Variants in FUT8 observed in about 807,000 individuals in gnomAD.
FUT8 encodes the protein alpha-(1,6)-fucosyltransferase.
FUT8 carries 29 observed loss-of-function variants against 71.3 expected under a neutral mutation model. The observed-to-expected ratio is 0.41, with a 90% CI of 0.30 to 0.55. FUT8 has a LOEUF of 0.55. Among genes scored for constraint, FUT8 ranks in the 20% least tolerant of loss-of-function variants. The pLI, the probability that FUT8 is intolerant of heterozygous loss-of-function variation, is 0.34. For missense variants in FUT8, 544 were observed against 702.1 expected (o/e 0.77, Z 2.55); for synonymous variants, 254 against 239.3 (o/e 1.06, Z -0.57).
chr14:65,591,158 T>A (rs1887664682), intron 3 of FUT8, among the ~76,000 whole-genome samples: 1 of 152,122 alleles, frequency 6.6e-6, no homozygotes, highest in Non-Finnish European at 1.5e-5. Flanking sequence ...GTGAATACAT[T>A]TAAGTTATTT....
intron 3 of FUT8, among the ~76,000 whole-genome samples, chr14:65,566,216 G>A (rs7146742): frequency 0.47 from 70,672 of 151,710 alleles, 17,820 homozygotes; most frequent in Non-Finnish European, 0.57. Flanking sequence ...TTCTTACATG[G>A]TAGTGTTCCA....
At chr14:65,554,431 T>TA (rs1412624461) in intron 2 of FUT8, among the ~76,000 whole-genome samples, 1 of 92,372 alleles carries the variant, frequency 1.1e-5, no homozygotes, top group African/African-American at 3.9e-5. Flanking sequence ...TCTATATATA[T>TA]ATTATATATA....
At chr14:65,480,937 G>T (rs1566775174) in intron 2 of FUT8, among the ~76,000 whole-genome samples, 1 of 151,572 alleles carries the variant, frequency 6.6e-6, no homozygotes. Context: ...TGATCTGCCT[G>T]CCTTGGCCTC....
intron 1 of FUT8, among the ~76,000 whole-genome samples, chr14:65,428,373 C>T (rs998973295): frequency 6.6e-6 from 1 of 152,080 alleles, no homozygotes; most frequent in African/African-American, 2.4e-5. Flanking sequence ...ACGTCATGAG[C>T]GCAGAGCTCT....
intron 1 of FUT8, among the ~76,000 whole-genome samples, chr14:65,432,686 A>G (rs1322934217): frequency 6.6e-6 from 1 of 152,130 alleles, no homozygotes; most frequent in African/African-American, 2.4e-5. Flanking sequence ...GCCAGCCAAA[A>G]CCCACCAAAA....
chr14:65,577,042 G>A (rs529938688), intron 3 of FUT8, among the ~76,000 whole-genome samples: 4 of 151,738 alleles, frequency 2.6e-5, no homozygotes, highest in African/African-American at 7.3e-5. Context: ...TAGAGATGGG[G>A]TCTCCCTATG....
At chr14:65,684,165 A>G (rs146518092) in intron 7 of FUT8, among the ~76,000 whole-genome samples, 1,936 of 152,182 alleles carry the variant, frequency 0.013, 20 homozygotes, top group Middle Eastern at 0.024. Context: ...GACTTCTACT[A>G]TAATAACTAT....
Position 65,660,756 on chromosome 14 carries a change from G to A in FUT8, c.598-8487G>A, listed in dbSNP as rs1891919548. On this transcript the variant is annotated intron_variant, in intron 6 of 10. Transcript: ENST00000673929. This position sits in a 1 kb window ranked among gnomAD's most constrained non-coding sequence, Gnocchi z 4.1. ...TAATTTCTGGTCTTGGCTTTTAAAA[G>A]TGAGCATGCTTTTTAATTGCCTCTT... 6.6e-6 allele frequency among the ~76,000 whole-genome samples: 1 copy of A among 152,146 alleles called. No individual in the cohort carries two copies. Among genetic ancestry groups the A allele is most frequent in the South Asian group, 2.1e-4 (1 of 4,822 alleles).
At position 65,550,843 on chromosome 14, in the gene FUT8, A is replaced by T. The variant is rs1885245044; in HGVS notation, c.-227-10494A>T. Among the ~76,000 whole-genome samples, 1 of 152,150 alleles carries T rather than the reference A, an allele frequency of 6.6e-6. No individual in the cohort carries two copies. The highest frequency in any genetic ancestry group is 2.1e-4 in the South Asian group (1 of 4,832). ...TAAAATACATATTTTTGGCAAAGTA[A>T]TTAATACTTTATTCAACTGTACTTC... is the stretch of plus-strand genomic sequence containing the variant. On this transcript the variant is annotated intron_variant, in intron 2 of 10. Coordinates refer to ENST00000673929, the MANE Select transcript of FUT8 (RefSeq NM_001371533.1). This position sits in a 1 kb window ranked among gnomAD's most constrained non-coding sequence, Gnocchi z 4.5.
chr14:65,654,475 C>T (rs1269193495), intron 6 of FUT8, among the ~76,000 whole-genome samples: 2 of 152,026 alleles, frequency 1.3e-5, no homozygotes, highest in East Asian at 3.9e-4. Flanking sequence ...GTAATCCCAG[C>T]TACTCGGGAG....
intron 6 of FUT8, among the ~76,000 whole-genome samples, chr14:65,637,499 T>A (rs2140287888): frequency 6.6e-6 from 1 of 152,320 alleles, no homozygotes; most frequent in East Asian, 1.9e-4. Flanking sequence ...ATGGATTTTG[T>A]TTTCTGCATA....
intron 9 of FUT8, among the ~76,000 whole-genome samples, chr14:65,724,831 A>C (rs1000913848): frequency 1.3e-5 from 2 of 152,070 alleles, no homozygotes; most frequent in Non-Finnish European, 2.9e-5. Context: ...CAGGAGAGGA[A>C]GTGTTCTGAT....
At position 65,562,784 on chromosome 14, in the gene FUT8, A is replaced by G. The variant is rs146574553; in HGVS notation, c.203+1018A>G. Among the ~76,000 whole-genome samples, 255 of 152,248 alleles carry G rather than the reference A, an allele frequency of 1.7e-3. 1 individual carries two copies. Among genetic ancestry groups the G allele is most frequent in the African/African-American group, 5.7e-3 (236 of 41,564 alleles). On this transcript the variant is annotated intron_variant, in intron 3 of 10. Transcript: ENST00000673929. ...AGTGGAAACATCCAATTGTACAGAA[A>G]GCCTTTAGAATAGTTGGGGAAGAAT...
intron 7 of FUT8, among the ~76,000 whole-genome samples, chr14:65,696,770 T>G (rs1040484550): frequency 6.6e-6 from 1 of 152,186 alleles, no homozygotes; most frequent in African/African-American, 2.4e-5. Flanking sequence ...TAATTCAGTT[T>G]TGTAAGTTTA....
chr14:65,629,559 G>A lies in FUT8; in HGVS notation c.550G>A (p.Ala184Thr), dbSNP rs1284065021. The A allele has an allele frequency of 7.4e-6, 12 of 1,613,710 alleles. No individual in the cohort carries two copies. Among genetic ancestry groups the A allele is most frequent in the Non-Finnish European group, 1.0e-5 (12 of 1,179,774 alleles). The change falls in exon 6 of 11, where the codon GCC becomes ACC. Residue 184 changes from alanine (A) to threonine (T), a missense_variant. By Grantham distance (58) the Ala-to-Thr change is moderately conservative (BLOSUM62 0). Transcript: ENST00000673929. Reference protein sequence around the residue: ...DGAGDWREKEAKDLTELVQRR... With the variant: ...DGAGDWREKETKDLTELVQRR... ...AGCAGGTGATTGGCGGGAAAAAGAGGCCAAAGATCTGACAGAACTGGTTCA... is the reference window on the plus strand; with the variant it reads ...AGCAGGTGATTGGCGGGAAAAAGAGACCAAAGATCTGACAGAACTGGTTCA...
chr14:65,646,614 C>CTAT (rs1654129994), intron 6 of FUT8: 1 of 152,052 alleles, frequency 6.6e-6, no homozygotes, highest in Non-Finnish European at 1.5e-5. Flanking sequence ...TCAGCCATAC[C>CTAT]CTAGGTGTGA....
At chr14:65,516,292 A>G (rs887823896) in intron 2 of FUT8, 1 of 152,206 alleles carries the variant, frequency 6.6e-6, no homozygotes, top group South Asian at 2.1e-4. Context: ...CTTTGCATGC[A>G]TAGTCCTTAA....
At chr14:65,551,996 G>A (rs1287029421) in intron 2 of FUT8, among the ~76,000 whole-genome samples, 1 of 152,064 alleles carries the variant, frequency 6.6e-6, no homozygotes, top group African/African-American at 2.4e-5. Context: ...TAAACATTGT[G>A]TAATACATAA....
chr14:65,429,263 A>G (rs1188579969), intron 1 of FUT8, among the ~76,000 whole-genome samples: 2 of 152,226 alleles, frequency 1.3e-5, no homozygotes, highest in South Asian at 2.1e-4. Context: ...TATTTTACCT[A>G]CAGTAGTAGG....
Sources: gnomAD v4.1 joint callset for allele counts (sites outside exome capture counted in the v4.1 genomes callset) on GRCh38, gnomAD v4.1.1 for gene constraint, Gnocchi (gnomAD v3.1) non-coding constraint, MANE v1.5 for transcripts, NCBI Gene and HGNC (gene_info 2026-07-23, HGNC 2026-07-21) for gene names.